The following PQBP1 variants were observed in gnomAD, a reference collection of about 807,000 sequenced individuals.
PQBP1 encodes polyglutamine binding protein 1.
A neutral mutation model predicts 20.9 loss-of-function variants in PQBP1; 3 were observed. The observed-to-expected ratio is 0.14, with a 90% CI of 0.07 to 0.37. PQBP1 has a LOEUF of 0.37. PQBP1 is among the 10% of genes least tolerant of loss of function. PQBP1 has a pLI of 1.00. For missense variants in PQBP1, 162 were observed against 240.3 expected (o/e 0.67, Z 2.16); for synonymous variants, 83 against 93.8 (o/e 0.88, Z 0.67).
At chrX:48,898,624 G>A in intron 2 of PQBP1, 48 bp downstream of exon 2, 11 of 1,153,945 alleles carry the variant, frequency 9.5e-6, no homozygotes, top group Non-Finnish European at 1.3e-5. Flanking sequence ...AGCCTCGACA[G>A]GCACTTTTGT....
intron 3 of PQBP1, chrX:48,901,597 G>A: frequency 2.0e-6 from 1 of 510,531 alleles, no homozygotes; most frequent in Non-Finnish European, 3.3e-6. Context: ...TCCTGTCTCA[G>A]CCTCCCAGGT....
Position 48,902,290 on chromosome X carries a change from C to T in PQBP1, c.350C>T (p.Ser117Leu), listed in dbSNP as rs1467558488. ...HDKSDRGHDKSDRSHEKLDRG... is the reference protein window; with the variant it reads ...HDKSDRGHDKLDRSHEKLDRG... ...AAGTCGGACAGGGGCCATGACAAGT[C>T]GGACCGCAGCCATGAGAAACTAGAC... The change falls in exon 5 of 7, where the codon TCG becomes TTG. Residue 117 changes from serine (S) to leucine (L), a missense_variant. Coordinates refer to ENST00000447146, the MANE Select transcript of PQBP1 (RefSeq NM_001032382.2). 7 of 1,210,846 alleles carry T rather than the reference C, an allele frequency of 5.8e-6. No individual in the cohort carries two copies. The highest frequency in any genetic ancestry group is 3.0e-5 in the East Asian group (1 of 33,803).
intron 3 of PQBP1, 117 bp from the exon 4 acceptor site, chrX:48,901,813 G>A (rs2063419228): frequency 6.2e-6 from 7 of 1,125,892 alleles, no homozygotes; most frequent in Non-Finnish European, 8.3e-6. Context: ...GAGATTCTGG[G>A]GATCCTGCCT....
At chrX:48,898,372 A>T in intron 1 of PQBP1, 120 bp from the exon 2 acceptor site, 2 of 680,019 alleles carry the variant, frequency 2.9e-6, no homozygotes, top group African/African-American at 2.1e-5. Context: ...CCACCCAGCT[A>T]CTGGTTCATT....
chrX:48,901,026 G>A (rs782539945), intron 2 of PQBP1, among the ~76,000 whole-genome samples, 164 bp from the exon 3 acceptor site: 1 of 111,681 alleles, frequency 9.0e-6, no homozygotes, highest in East Asian at 2.8e-4. Flanking sequence ...ATAGAGAGTT[G>A]GATTTGGAAT....
At chrX:48,901,526 T>G in intron 3 of PQBP1, 22 of 718,159 alleles carry the variant, frequency 3.1e-5, no homozygotes, top group African/African-American at 4.2e-5. Flanking sequence ...TAGCCCGGGC[T>G]GGAGTGCAAT....
chrX:48,900,582 G>C (rs1253577962), intron 2 of PQBP1, among the ~76,000 whole-genome samples: 1 of 105,059 alleles, frequency 9.5e-6, no homozygotes, highest in African/African-American at 3.5e-5. Flanking sequence ...TTAGAGACAG[G>C]GTCTCACTCT....
At chrX:48,901,063 G>A in intron 2 of PQBP1, 127 bp from the exon 3 acceptor site, 3 of 1,041,217 alleles carry the variant, frequency 2.9e-6, no homozygotes, top group Non-Finnish European at 3.9e-6. Flanking sequence ...ATTCTTCCCG[G>A]CACACACACA....
At chrX:48,899,073 G>A (rs1273766849) in intron 2 of PQBP1, among the ~76,000 whole-genome samples, 1 of 106,755 alleles carries the variant, frequency 9.4e-6, no homozygotes, top group East Asian at 2.9e-4. Flanking sequence ...CGCCTCCCGG[G>A]CTCAAGCGAT....
chrX:48,898,851 G>A (rs1354377006), intron 2 of PQBP1, among the ~76,000 whole-genome samples: 2 of 78,841 alleles, frequency 2.5e-5, no homozygotes, highest in African/African-American at 1.0e-4. Context: ...GTGCACCCAG[G>A]CTGGAGTGCA....
At chrX:48,901,157 T>C in intron 2 of PQBP1, 33 bp from the exon 3 acceptor site, 1 of 1,194,371 alleles carries the variant, frequency 8.4e-7, no homozygotes, top group Non-Finnish European at 1.1e-6. Flanking sequence ...CTGGTCCTTA[T>C]CTGCTCTCCT....
Position 48,902,239 on chromosome X carries a change from A to T in PQBP1, c.299A>T (p.Glu100Val). Residue 100 changes from glutamate to valine, a missense_variant, in exon 5 of 7, where the codon GAA becomes GTA. Glu to Val is a moderately radical substitution (Grantham distance 121, BLOSUM62 -2). Transcript: ENST00000447146. ...KKLRSSNADA[E>V]EKLDRSHDKS... ...TCAAGACTTGTGTCCCCAGATGCTG[A>T]AGAAAAGTTGGACCGGAGCCATGAC... is the stretch of plus-strand genomic sequence containing the variant. 1 of 1,211,300 alleles carries T rather than the reference A, an allele frequency of 8.3e-7. No individual in the cohort carries two copies. Among genetic ancestry groups the T allele is most frequent in the Non-Finnish European group, 1.1e-6 (1 of 895,438 alleles).
chrX:48,901,994 A>G lies in PQBP1; in HGVS notation c.244A>G (p.Asn82Asp). The G allele has an allele frequency of 8.3e-7, 1 of 1,211,872 alleles. No homozygotes were observed. The highest frequency in any genetic ancestry group is 1.8e-5 in the South Asian group (1 of 57,016). Residue 82 changes from asparagine (N) to aspartate (D), a missense_variant, in exon 4 of 7, where the codon AAC becomes GAC. Coordinates refer to ENST00000447146, the MANE Select transcript of PQBP1 (RefSeq NM_001032382.2). The stretch of plus-strand genomic sequence containing the variant: ...ATCCTGGCTCTCCCCACATGACCCC[A>G]ACTCCGTGGTTACCAAATCGGCCAA... ...LVSWLSPHDP[N>D]SVVTKSAKKL...
At chrX:48,898,429 G>A in intron 1 of PQBP1, 63 bp from the exon 2 acceptor site, 1 of 1,054,779 alleles carries the variant, frequency 9.5e-7, no homozygotes, top group Non-Finnish European at 1.3e-6. Flanking sequence ...GAGGCGCTTG[G>A]TTACGGGATC....
chrX:48,902,934 G>A lies in PQBP1; in HGVS notation c.648G>A (p.Thr216=), dbSNP rs782736516. 9 of 1,194,904 alleles carry A rather than the reference G, an allele frequency of 7.5e-6. No homozygotes were observed. The highest frequency in any genetic ancestry group is 3.7e-5 in the South Asian group (2 of 54,781). The stretch of plus-strand genomic sequence containing the variant: ...CTGACTCTTTCACCGGCAGGGGCAC[G>A]TGGTCAACAGGACTCCCCAAGCGGA... ...PSSYSDAPRG[T]WSTGLPKRNE... Residue 216 remains threonine, a synonymous_variant, in exon 7 of 7, where the codon ACG becomes ACA. Transcript: ENST00000447146.
At position 48,898,102 on chromosome X, in the gene PQBP1, A is replaced by G; in HGVS notation, c.-19+20A>G. The G allele has an allele frequency of 9.8e-7, 1 of 1,016,639 alleles. No homozygotes were observed. Among genetic ancestry groups the G allele is most frequent in the Admixed American group, 4.2e-5 (1 of 23,754 alleles). The allele number at this position is 1,016,639 out of a possible 1,213,427, so 83.8% of individuals were successfully genotyped here. On this transcript the variant is annotated intron_variant, in intron 1 of 6. Coordinates refer to ENST00000447146, the MANE Select transcript of PQBP1 (RefSeq NM_001032382.2). ...GTATTGGTAACGTTGGGGTGGGTGC[A>G]CTCTTTTGGAGCTGGAGGAAGTGCT...
rs782495605 is a variant in PQBP1, at chrX:48,902,399, A to C, written c.459A>C (p.Arg153Ser). 10 of 1,207,284 alleles carry C rather than the reference A, an allele frequency of 8.3e-6. No individual in the cohort carries two copies. The East Asian group carries it at 1.2e-4, about 14-fold the overall frequency. The change falls in exon 5 of 7, where the codon AGA (arginine) becomes AGC (serine). Residue 153 changes from arginine (R) to serine (S), a missense_variant. Coordinates refer to ENST00000447146, the MANE Select transcript of PQBP1 (RefSeq NM_001032382.2). ...ERGYDKVDRERERDRERDRDR... is the reference protein window; with the variant it reads ...ERGYDKVDRESERDRERDRDR... ...GCTATGACAAGGTAGACAGAGAGAG[A>C]GAGCGAGACAGGGAACGGGATCGGG...
At chrX:48,899,454 T>TGTG (rs1569509959) in intron 2 of PQBP1, among the ~76,000 whole-genome samples, 4 of 111,082 alleles carry the variant, frequency 3.6e-5, no homozygotes, top group Non-Finnish European at 7.6e-5. Context: ...AATCGTGTGT[T>TGTG]GTGGTGCATG....
chrX:48,902,600 CT>C, intron 5 of PQBP1, 83 bp downstream of exon 5: 1 of 1,164,799 alleles, frequency 8.6e-7, no homozygotes, highest in Non-Finnish European at 1.2e-6. Flanking sequence ...AAAAAGATGC[CT>C]GGACCTGGGG....
Sources: gnomAD v4.1 joint callset for allele counts (sites outside exome capture counted in the v4.1 genomes callset) on GRCh38, gnomAD v4.1.1 for gene constraint, MANE v1.5 for transcripts, NCBI Gene and HGNC (gene_info 2026-07-23, HGNC 2026-07-21) for gene names.